Variants in MACROD2 observed in about 807,000 individuals in gnomAD.
The protein encoded by MACROD2 is mono-ADP ribosylhydrolase 2.
In MACROD2, 36 loss-of-function variants were observed where a neutral mutation model predicts 70.4. The ratio of observed to expected loss-of-function variants is 0.51; its 90% CI spans 0.39 to 0.68. MACROD2 has a LOEUF of 0.68. Among genes scored for constraint, MACROD2 ranks in the 30% least tolerant of loss-of-function variants. The pLI is 0.00. For synonymous variants in MACROD2, 172 were observed against 178.8 expected (o/e 0.96, Z 0.30); for missense variants, 496 against 538.4 (o/e 0.92, Z 0.78).
chr20:15,458,135 G>A (rs1398791724), intron 7 of MACROD2, among the ~76,000 whole-genome samples: 1 of 152,042 alleles, frequency 6.6e-6, no homozygotes, highest in Non-Finnish European at 1.5e-5. Flanking sequence ...TATGAATTAT[G>A]CTATATAATG....
intron 4 of MACROD2, among the ~76,000 whole-genome samples, chr20:14,645,239 T>C (rs1568717297): frequency 6.6e-6 from 1 of 152,138 alleles, no homozygotes; most frequent in Non-Finnish European, 1.5e-5. Flanking sequence ...TTATTAAACA[T>C]ATTTACAAAA....
intron 7 of MACROD2, among the ~76,000 whole-genome samples, chr20:15,454,406 A>AACACACACACACACAC (rs10523169): frequency 4.9e-4 from 68 of 137,524 alleles, no homozygotes; most frequent in African/African-American, 1.8e-3. Context: ...GACATATTCA[A>AACACACACACACACAC]ACACACACAC....
intron 8 of MACROD2, among the ~76,000 whole-genome samples, chr20:15,672,024 T>G (rs1326712721): frequency 2.0e-5 from 3 of 152,150 alleles, no homozygotes; most frequent in Admixed American, 1.3e-4. Flanking sequence ...TCTGACCCAC[T>G]GTAGCAAACA....
At chr20:15,442,230 A>T (rs2046505075) in intron 7 of MACROD2, among the ~76,000 whole-genome samples, 1 of 152,208 alleles carries the variant, frequency 6.6e-6, no homozygotes, top group Non-Finnish European at 1.5e-5. Context: ...TTTTATGTCA[A>T]ATCCTTTTTG....
At chr20:14,811,742 A>G (rs147962844) in intron 5 of MACROD2, among the ~76,000 whole-genome samples, 2,042 of 152,114 alleles carry the variant, frequency 0.013, 44 homozygotes, top group African/African-American at 0.047. Flanking sequence ...AAGAAAAAAA[A>G]CAACCCCATC....
chr20:14,000,015 G>GA (rs2052711201), intron 1 of MACROD2, among the ~76,000 whole-genome samples: 1 of 151,636 alleles, frequency 6.6e-6, no homozygotes, highest in Non-Finnish European at 1.5e-5. Flanking sequence ...TCTGTCTCAA[G>GA]AAAAAAACAA....
chr20:14,902,731 A>G (rs1300443380), intron 5 of MACROD2, among the ~76,000 whole-genome samples: 1 of 152,136 alleles, frequency 6.6e-6, no homozygotes, highest in Non-Finnish European at 1.5e-5. Context: ...TCTAGGGAAC[A>G]TGTAGTCTAA....
rs2210049 is a variant in MACROD2, at chr20:14,879,726, A to C, written c.418+194767A>C. On this transcript the variant is annotated intron_variant, in intron 5 of 17. Transcript: ENST00000684519. ...GAGTATAGCTCTGATTCATAAGACA[A>C]TTGGTCATTGTGCTTCTCTCTTTTT... Among the ~76,000 whole-genome samples, 3 of 151,950 alleles carry C rather than the reference A, an allele frequency of 2.0e-5. 1 individual carries two copies. Among genetic ancestry groups the C allele is most frequent in the Admixed American group, 6.6e-5 (1 of 15,262 alleles).
chr20:14,419,188 G>A (rs1330359236), intron 3 of MACROD2, among the ~76,000 whole-genome samples: 2 of 152,082 alleles, frequency 1.3e-5, no homozygotes, highest in Non-Finnish European at 2.9e-5. Flanking sequence ...CTAAGTAGCT[G>A]GGATTACAGG....
intron 5 of MACROD2, among the ~76,000 whole-genome samples, chr20:14,863,884 A>C (rs1836908174): frequency 6.6e-6 from 1 of 152,116 alleles, no homozygotes; most frequent in African/African-American, 2.4e-5. Flanking sequence ...TACAAACTCT[A>C]AACTCACTTC....
Position 15,006,141 on chromosome 20 carries a change from ATGTGTGTGTGTGTG to A in MACROD2, c.419-223771_419-223758del, listed in dbSNP as rs11473589. On this transcript the variant is annotated intron_variant, in intron 5 of 17. Transcript: ENST00000684519. Reference sequence around the variant, plus strand: ...CAAAGAATGCATTTTATATATATATATGTGTGTGTGTGTGTGTGTGTGTGTGTGTGTGTGTGTGT... The same window carrying A: ...CAAAGAATGCATTTTATATATATATATGTGTGTGTGTGTGTGTGTGTGTGT... 1.5e-4 allele frequency among the ~76,000 whole-genome samples: 20 copies of A among 134,364 alleles called. No individual in the cohort carries two copies. The South Asian group carries it at 1.7e-3, about 12-fold the overall frequency. The allele number at this position is 134,364 out of a possible 152,430, so 88.1% of individuals were successfully genotyped here.
intron 5 of MACROD2, among the ~76,000 whole-genome samples, chr20:14,863,906 A>T (rs780273687): frequency 6.6e-6 from 1 of 152,102 alleles, no homozygotes; most frequent in African/African-American, 2.4e-5. Flanking sequence ...CCATTGTTAA[A>T]CTTGACTAGT....
At chr20:14,275,281 A>C (rs2082241179) in intron 3 of MACROD2, among the ~76,000 whole-genome samples, 1 of 152,182 alleles carries the variant, frequency 6.6e-6, no homozygotes. Flanking sequence ...ACCCAAACAG[A>C]GATATAGACC....
chr20:16,023,035 G>T (rs983849828), intron 15 of MACROD2, among the ~76,000 whole-genome samples: 2 of 152,112 alleles, frequency 1.3e-5, no homozygotes, highest in African/African-American at 4.8e-5. Flanking sequence ...TTCTACTAAT[G>T]ATATCTTACT....
chr20:14,504,807 A>T (rs1033244504), intron 4 of MACROD2, among the ~76,000 whole-genome samples: 1 of 152,244 alleles, frequency 6.6e-6, no homozygotes, highest in Non-Finnish European at 1.5e-5. Flanking sequence ...ATTTATAAAT[A>T]ACAGAAATAA....
chr20:14,606,716 T>A (rs1263425182), intron 4 of MACROD2, among the ~76,000 whole-genome samples: 1 of 152,172 alleles, frequency 6.6e-6, no homozygotes, highest in Non-Finnish European at 1.5e-5. Context: ...GATTAAAATT[T>A]TTTTGTGTGT....
At chr20:15,067,476 A>G (rs1228310270) in intron 5 of MACROD2, among the ~76,000 whole-genome samples, 1 of 152,096 alleles carries the variant, frequency 6.6e-6, no homozygotes, top group Non-Finnish European at 1.5e-5. Flanking sequence ...CAGCCACCAG[A>G]GTAGCTGGGA....
intron 8 of MACROD2, among the ~76,000 whole-genome samples, chr20:15,801,010 C>T (rs112695558): frequency 1.4e-4 from 21 of 150,142 alleles, no homozygotes; most frequent in Admixed American, 1.2e-3. Flanking sequence ...TAAGAGTCAT[C>T]GCCACTCCCT....
At chr20:15,645,724 C>T (rs2049531440) in intron 8 of MACROD2, among the ~76,000 whole-genome samples, 1 of 152,152 alleles carries the variant, frequency 6.6e-6, no homozygotes, top group Non-Finnish European at 1.5e-5. Flanking sequence ...AGTAAGTAAG[C>T]TGGAACCAAT....
Sources: allele counts gnomAD v4.1 joint callset (sites outside exome capture counted in the v4.1 genomes callset), GRCh38; gene constraint gnomAD v4.1.1; transcripts MANE v1.5; gene names NCBI Gene and HGNC (gene_info 2026-07-23, HGNC 2026-07-21).